SGK3: variants seen among roughly 807,000 people sequenced by gnomAD.
SGK3 encodes the protein serine/threonine-protein kinase Sgk3.
A neutral mutation model predicts 68.5 loss-of-function variants in SGK3; 47 were observed. That is an observed-to-expected ratio of 0.69 (90% CI 0.54 to 0.87). SGK3 has a LOEUF of 0.87. SGK3 is among the 40% of genes least tolerant of loss of function. The pLI, the probability that SGK3 is intolerant of heterozygous loss-of-function variation, is 0.00. For synonymous variants in SGK3, 181 were observed against 189.1 expected, an observed-to-expected ratio of 0.96 and a Z score of 0.35; for missense variants, 479 against 575.5, an observed-to-expected ratio of 0.83 and a Z score of 1.72.
intron 3 of SGK3, among the ~76,000 whole-genome samples, chr8:66,803,474 C>A (rs911066709): frequency 1.7e-5 from 2 of 118,712 alleles, no homozygotes; most frequent in Non-Finnish European, 3.2e-5. Context: ...GGATTACAGG[C>A]CTCAGTGAGC....
chr8:66,729,467 A>G (rs1805080038), intron 1 of SGK3, among the ~76,000 whole-genome samples: 1 of 145,626 alleles, frequency 6.9e-6, no homozygotes, highest in Admixed American at 6.7e-5. Context: ...AAGAAAAGAA[A>G]AAAGAAAAAA....
chr8:66,786,582 C>T (rs558995773), intron 1 of SGK3, among the ~76,000 whole-genome samples: 16 of 152,286 alleles, frequency 1.1e-4, no homozygotes, highest in South Asian at 1.0e-3. Flanking sequence ...GACAAATTTG[C>T]GTTTGAATTC....
In SGK3 at chr8:66,787,051, C is replaced by G. The variant is rs549865861; in HGVS notation, c.-121-6565C>G. Reference sequence around the variant, plus strand: ...CTCTTGTGTCCCAGTTCAAGCAATTCTCCTCCCTCAGCCCTCCGAGTAGCT... The same window carrying G: ...CTCTTGTGTCCCAGTTCAAGCAATTGTCCTCCCTCAGCCCTCCGAGTAGCT... On this transcript the variant is annotated intron_variant, in intron 1 of 16. Transcript: ENST00000521198. Among the ~76,000 whole-genome samples the G allele has an allele frequency of 2.8e-5, 4 of 144,722 alleles. No individual in the cohort carries two copies. In the East Asian group the frequency reaches 8.6e-4, roughly 31 times the overall value. The allele number at this position is 144,722 out of a possible 152,430, so 94.9% of individuals were successfully genotyped here.
intron 1 of SGK3, among the ~76,000 whole-genome samples, chr8:66,744,070 A>G (rs989781773): frequency 2.6e-5 from 4 of 152,154 alleles, no homozygotes; most frequent in African/African-American, 9.7e-5. Context: ...TACTTGTGGT[A>G]GATCACATAG....
chr8:66,740,766 G>A (rs1471297571), intron 1 of SGK3, among the ~76,000 whole-genome samples: 4 of 152,014 alleles, frequency 2.6e-5, no homozygotes, highest in East Asian at 3.9e-4. Flanking sequence ...AATTAGCCAG[G>A]TGTGGTGGTG....
At chr8:66,812,497 G>T (rs1808417268) in intron 4 of SGK3, among the ~76,000 whole-genome samples, 1 of 151,850 alleles carries the variant, frequency 6.6e-6, no homozygotes, top group Non-Finnish European at 1.5e-5. Flanking sequence ...GGTGAAGTTT[G>T]CAGTGAGCTG....
chr8:66,801,545 A>T (rs1346914788), intron 3 of SGK3, among the ~76,000 whole-genome samples: 1 of 152,066 alleles, frequency 6.6e-6, no homozygotes, highest in Non-Finnish European at 1.5e-5. Context: ...GTCTTTGAGG[A>T]GTGTGTAAAT....
intron 10 of SGK3, among the ~76,000 whole-genome samples, chr8:66,838,578 G>A (rs919308458): frequency 6.6e-6 from 1 of 152,168 alleles, no homozygotes; most frequent in Non-Finnish European, 1.5e-5. Context: ...TGCTTTATGT[G>A]TGGTTTCTTC....
intron 1 of SGK3, among the ~76,000 whole-genome samples, chr8:66,735,824 G>T (rs1805302189): frequency 6.6e-6 from 1 of 151,662 alleles, no homozygotes; most frequent in Non-Finnish European, 1.5e-5. Flanking sequence ...TACTTCTCAG[G>T]TTTCAATTTA....
chr8:66,749,781 A>G (rs1042533778), intron 1 of SGK3, among the ~76,000 whole-genome samples: 1 of 152,116 alleles, frequency 6.6e-6, no homozygotes, highest in African/African-American at 2.4e-5. Flanking sequence ...GTTTATATAT[A>G]GATGCAGAAA....
chr8:66,719,402 C>A (rs1474196715), intron 1 of SGK3, among the ~76,000 whole-genome samples: 1 of 152,122 alleles, frequency 6.6e-6, no homozygotes, highest in Non-Finnish European at 1.5e-5. Context: ...CTGTGACTCA[C>A]TGCAGTTTCG....
rs144017776 is a variant in SGK3 at position 66,793,109 on chromosome 8, T to C, written c.-121-507T>C. 2.5e-3 allele frequency among the ~76,000 whole-genome samples: 376 copies of C among 152,304 alleles called. 1 individual carries two copies. Among genetic ancestry groups the C allele is most frequent in the African/African-American group, 7.4e-3 (308 of 41,558 alleles). ...TCAGTACAAAAGAATCATCCACAGT[T>C]ATAATGCAGCATAGTACAGTGGTTA... On this transcript the variant is annotated intron_variant, in intron 1 of 16. Coordinates refer to ENST00000521198, the MANE Select transcript of SGK3 (RefSeq NM_001033578.3).
chr8:66,787,701 A>G (rs938843702), intron 1 of SGK3, among the ~76,000 whole-genome samples: 2 of 152,254 alleles, frequency 1.3e-5, no homozygotes, highest in South Asian at 2.1e-4. Context: ...TCTTGACCAC[A>G]TGATTATTGA....
At chr8:66,740,906 CAAAAAAAAAAAA>C (rs899256897) in intron 1 of SGK3, among the ~76,000 whole-genome samples, 2 of 42,714 alleles carry the variant, frequency 4.7e-5, no homozygotes, top group East Asian at 7.2e-4. Flanking sequence ...GACTCTGTCT[CAAAAAAAAAAAA>C]AAAAAAAAAA....
chr8:66,715,248 T>G (rs78099722), intron 1 of SGK3, among the ~76,000 whole-genome samples: 1,754 of 148,206 alleles, frequency 0.012, 16 homozygotes, highest in Non-Finnish European at 0.018. Context: ...CAGCTTGCTT[T>G]CTTTCTTTCT....
At position 66,793,687 on chromosome 8, in the gene SGK3, T is replaced by C; in HGVS notation, c.-50T>C. On this transcript the variant is annotated 5_prime_UTR_variant, in exon 2 of 17. Coordinates refer to ENST00000521198, the MANE Select transcript of SGK3 (RefSeq NM_001033578.3). ...GGATTAGTTAATTGGGTTTGTCCTC[T>C]GCTGACTGTTTCTTCGGATGCATTT... 1 of 1,580,694 alleles carries C rather than the reference T, an allele frequency of 6.3e-7. No individual in the cohort carries two copies.
intron 3 of SGK3, among the ~76,000 whole-genome samples, chr8:66,800,999 T>TG (rs1266307198): frequency 6.6e-6 from 1 of 152,188 alleles, no homozygotes; most frequent in Non-Finnish European, 1.5e-5. Flanking sequence ...ACACCTATAA[T>TG]GTTGCTACTC....
chr8:66,726,057 C>A (rs989216756), intron 1 of SGK3, among the ~76,000 whole-genome samples: 2 of 152,016 alleles, frequency 1.3e-5, no homozygotes, highest in Admixed American at 6.6e-5. Flanking sequence ...TAGATAATTG[C>A]GCCCTTTTCA....
intron 8 of SGK3, 125 bp downstream of exon 8, chr8:66,831,436 C>A: frequency 8.9e-7 from 1 of 1,129,790 alleles, no homozygotes; most frequent in Non-Finnish European, 1.3e-6. Context: ...AACTCCTGGG[C>A]TCAAGCCATC....
Sources: allele counts gnomAD v4.1 joint callset (sites outside exome capture counted in the v4.1 genomes callset), GRCh38; gene constraint gnomAD v4.1.1; transcripts MANE v1.5; gene names NCBI Gene and HGNC (gene_info 2026-07-23, HGNC 2026-07-21).